SPIRE1: variants seen among roughly 807,000 people sequenced by gnomAD.
SPIRE1 encodes spire type actin nucleation factor 1.
Under a neutral mutation model 94.1 loss-of-function variants are expected in SPIRE1, and 40 were observed. The observed-to-expected ratio is 0.43, with a 90% CI of 0.33 to 0.55. The LOEUF is 0.55. Ranked by LOEUF, SPIRE1 falls within the 20% of genes least tolerant of loss-of-function variation. SPIRE1 has a pLI of 0.06. For missense variants in SPIRE1, 838 were observed against 975.2 expected, an observed-to-expected ratio of 0.86 and a Z score of 1.87; for synonymous variants, 376 against 371.7, an observed-to-expected ratio of 1.01 and a Z score of -0.13.
intron 6 of SPIRE1, among the ~76,000 whole-genome samples, chr18:12,503,002 G>T (rs1183731649): frequency 1.3e-5 from 2 of 152,014 alleles, no homozygotes; most frequent in African/African-American, 4.8e-5. Flanking sequence ...CCAGCTACTT[G>T]GGAGGCTGAG....
At chr18:12,532,806 T>C (rs1333571067) in intron 4 of SPIRE1, among the ~76,000 whole-genome samples, 1 of 152,214 alleles carries the variant, frequency 6.6e-6, no homozygotes, top group African/African-American at 2.4e-5. Context: ...AACCTGAGTG[T>C]TGATAGGCAA....
chr18:12,463,635 T>C, intron 11 of SPIRE1, 142 bp from the exon 12 acceptor site: 1 of 671,458 alleles, frequency 1.5e-6, no homozygotes, highest in Non-Finnish European at 2.4e-6. Context: ...TGGTAATCCT[T>C]AGGAGTAGAC....
At chr18:12,560,203 G>A (rs910364455) in intron 2 of SPIRE1, among the ~76,000 whole-genome samples, 1 of 152,120 alleles carries the variant, frequency 6.6e-6, no homozygotes, top group Non-Finnish European at 1.5e-5. Flanking sequence ...TACCAATAGA[G>A]TCCATACGAT....
Position 12,617,005 on chromosome 18 carries a change from G to A in SPIRE1, c.372+18057C>T, listed in dbSNP as rs556593454. On this transcript the variant is annotated intron_variant, in intron 2 of 16. Transcript: ENST00000409402. ...CTCCCAAGTAGCTGGGATTACAGGC[G>A]CCCACCACCATGCCCAGCTAACTTT... Among the ~76,000 whole-genome samples, 222 of 142,174 alleles carry A rather than the reference G, an allele frequency of 1.6e-3. 1 individual carries two copies. The highest frequency in any genetic ancestry group is 5.3e-3 in the African/African-American group (201 of 38,042). The allele number at this position is 142,174 out of a possible 152,430, so 93.3% of individuals were successfully genotyped here.
intron 2 of SPIRE1, among the ~76,000 whole-genome samples, chr18:12,595,444 G>A: frequency 6.6e-6 from 1 of 152,190 alleles, no homozygotes; most frequent in East Asian, 1.9e-4. Flanking sequence ...GACTGCAAAG[G>A]AGGGTCAGTG....
intron 2 of SPIRE1, among the ~76,000 whole-genome samples, chr18:12,602,635 G>T (rs999527225): frequency 1.3e-5 from 2 of 152,170 alleles, no homozygotes; most frequent in African/African-American, 4.8e-5. Flanking sequence ...TGAAGCCATG[G>T]TCTCCCTGAT....
chr18:12,453,219 T>A, intron 13 of SPIRE1, 81 bp from the exon 14 acceptor site: 1 of 910,762 alleles, frequency 1.1e-6, no homozygotes, highest in Admixed American at 2.3e-5. Flanking sequence ...ATGCTTTACA[T>A]CTATATATAG....
intron 6 of SPIRE1, among the ~76,000 whole-genome samples, chr18:12,497,898 G>T (rs1002282536): frequency 1.3e-5 from 2 of 152,054 alleles, no homozygotes; most frequent in African/African-American, 4.8e-5. Flanking sequence ...AACCCTATAC[G>T]TTCCATTCCC....
At chr18:12,475,827 GA>G (rs2032547636) in intron 10 of SPIRE1, among the ~76,000 whole-genome samples, 1 of 152,224 alleles carries the variant, frequency 6.6e-6, no homozygotes, top group African/African-American at 2.4e-5. Context: ...ATCAAAGGGA[GA>G]ATACGCTGAT....
At position 12,519,069 on chromosome 18, in the gene SPIRE1, C is replaced by T. The variant is rs147497609; in HGVS notation, c.730-6538G>A. 5.5e-4 allele frequency among the ~76,000 whole-genome samples: 83 copies of T among 152,218 alleles called. No individual in the cohort carries two copies. The East Asian group carries it at 0.011, about 20-fold the overall frequency. ...ATGGTGCATTCTTAAAGATATAACA[C>T]GCTTCTCCTCCCTGAGGGGTGGATG... On this transcript the variant is annotated intron_variant, in intron 4 of 16. Coordinates refer to ENST00000409402, the MANE Select transcript of SPIRE1 (RefSeq NM_001128626.2).
chr18:12,583,516 C>A (rs1439416221), intron 2 of SPIRE1, among the ~76,000 whole-genome samples: 1 of 152,094 alleles, frequency 6.6e-6, no homozygotes, highest in Admixed American at 6.5e-5. Flanking sequence ...ACAGGAGAAT[C>A]GCTTGAACCT....
chr18:12,537,206 A>C (rs1267368421), intron 3 of SPIRE1, among the ~76,000 whole-genome samples: 1 of 152,244 alleles, frequency 6.6e-6, no homozygotes, highest in African/African-American at 2.4e-5. Context: ...AGCCACTAGT[A>C]AACAGAGAGT....
At chr18:12,461,571 G>A (rs1568184269) in intron 12 of SPIRE1, among the ~76,000 whole-genome samples, 3 of 61,474 alleles carry the variant, frequency 4.9e-5, no homozygotes, top group Non-Finnish European at 9.2e-5. Flanking sequence ...GTATATGTAT[G>A]TACATACATA....
chr18:12,617,334 C>T (rs1443576551), intron 2 of SPIRE1, among the ~76,000 whole-genome samples: 1 of 152,052 alleles, frequency 6.6e-6, no homozygotes. Context: ...CCTGTCCCAG[C>T]CTCCCAAGTA....
At chr18:12,495,933 A>C in intron 7 of SPIRE1, 83 bp downstream of exon 7, 1 of 1,026,720 alleles carries the variant, frequency 9.7e-7, no homozygotes. Context: ...CACCTAGGAA[A>C]GCTGAGTTCT....
intron 2 of SPIRE1, among the ~76,000 whole-genome samples, chr18:12,620,412 A>C (rs887984626): frequency 3.9e-5 from 6 of 152,206 alleles, no homozygotes; most frequent in African/African-American, 1.4e-4. Context: ...ACTCACACTT[A>C]CCAATTTCAA....
chr18:12,657,475 G>T, intron 1 of SPIRE1, 55 bp downstream of exon 1: 2 of 1,203,610 alleles, frequency 1.7e-6, no homozygotes, highest in Non-Finnish European at 2.1e-6. Context: ...AGGGTAAGGC[G>T]GCCCAGCCGC....
At chr18:12,493,401 T>C (rs1200367551) in intron 7 of SPIRE1, among the ~76,000 whole-genome samples, 200 bp from the exon 8 acceptor site, 1 of 152,166 alleles carries the variant, frequency 6.6e-6, no homozygotes, top group African/African-American at 2.4e-5. Context: ...GGTTATACAT[T>C]CTCAAATTGT....
chr18:12,451,023 G>A, intron 16 of SPIRE1: 1 of 540,512 alleles, frequency 1.9e-6, no homozygotes, highest in Non-Finnish European at 3.4e-6. Context: ...AAGGAAGAAG[G>A]AGGGGAGGAG....
Sources: gnomAD v4.1 joint callset for allele counts (sites outside exome capture counted in the v4.1 genomes callset) on GRCh38, gnomAD v4.1.1 for gene constraint, MANE v1.5 for transcripts, NCBI Gene and HGNC (gene_info 2026-07-23, HGNC 2026-07-21) for gene names.